C11orf65: variants seen among roughly 807,000 people sequenced by gnomAD.
C11orf65 encodes chromosome 11 open reading frame 65.
In C11orf65, 38 loss-of-function variants were observed where a neutral mutation model predicts 35.3. That is an observed-to-expected ratio of 1.08 (90% CI 0.83 to 1.41). The LOEUF (loss-of-function observed/expected upper bound fraction) is 1.41. C11orf65 is among the 40% of genes most tolerant of loss of function. The probability of loss-of-function intolerance (pLI) is 0.00; values close to 1 mark genes in which losing one functional copy is unlikely to be tolerated. For synonymous variants in C11orf65, 105 were observed against 114.4 expected (o/e 0.92, Z 0.53); for missense variants, 370 against 367.1 (o/e 1.01, Z -0.06).
chr11:108,338,060 G>C (rs751228342), intron 2 of C11orf65, among the ~76,000 whole-genome samples: 5 of 152,342 alleles, frequency 3.3e-5, no homozygotes, highest in Admixed American at 1.3e-4. Context: ...ATTCCATTAA[G>C]ATTTCTAGCC....
chr11:108,465,649 T>G (rs2093525857), intron 1 of C11orf65, among the ~76,000 whole-genome samples: 1 of 150,606 alleles, frequency 6.6e-6, no homozygotes, highest in African/African-American at 2.4e-5. Flanking sequence ...AGCAGAAAAA[T>G]GGGGTGTAGC....
chr11:108,468,392 T>C (rs2093559808), upstream of C11orf65, among the ~76,000 whole-genome samples: 1 of 152,262 alleles, frequency 6.6e-6, no homozygotes, highest in African/African-American at 2.4e-5. Context: ...GCTTGAATTC[T>C]GAGTCTGACA....
At chr11:108,429,549 C>A (rs554789220) in intron 3 of C11orf65, among the ~76,000 whole-genome samples, 16 of 152,176 alleles carry the variant, frequency 1.1e-4, no homozygotes, top group Admixed American at 1.0e-3. Context: ...GGTGAGAGTA[C>A]AAAATGGTAC....
At chr11:108,326,782 T>G (rs183304352), downstream of C11orf65, among the ~76,000 whole-genome samples, 1 of 152,196 alleles carries the variant, frequency 6.6e-6, no homozygotes, top group Non-Finnish European at 1.5e-5. Context: ...CCCACAGACA[T>G]GTACCTGCTT....
At chr11:108,417,496 T>C (rs2092752791) in intron 3 of C11orf65, among the ~76,000 whole-genome samples, 1 of 151,282 alleles carries the variant, frequency 6.6e-6, no homozygotes, top group South Asian at 2.1e-4. Context: ...TGAGCTGAGA[T>C]AGATAGTGCC....
intron 3 of C11orf65, among the ~76,000 whole-genome samples, chr11:108,427,869 T>TG (rs1226495826): frequency 8.9e-6 from 1 of 112,786 alleles, no homozygotes; most frequent in East Asian, 2.5e-4. Context: ...CTCGCTCTGT[T>TG]GCCCAGGCTG....
At chr11:108,330,071 T>A (rs933562283), downstream of C11orf65, 291 of 826,882 alleles carry the variant, frequency 3.5e-4, 2 homozygotes, top group Middle Eastern at 6.8e-4. Context: ...GTAAGTTTAT[T>A]CCCTTTATAA....
intron 2 of C11orf65, among the ~76,000 whole-genome samples, chr11:108,337,254 C>T (rs974738573): frequency 6.6e-6 from 1 of 152,092 alleles, no homozygotes; most frequent in Non-Finnish European, 1.5e-5. Flanking sequence ...CAATTTTTTC[C>T]GTAGCCTTCA....
intron 2 of C11orf65, chr11:108,354,931 C>A: frequency 6.9e-7 from 1 of 1,439,386 alleles, no homozygotes; most frequent in Non-Finnish European, 9.8e-7. Flanking sequence ...GACTGTGTAT[C>A]TCATCAGGAA....
chr11:108,457,178 AC>A (rs1351779085), intron 2 of C11orf65, among the ~76,000 whole-genome samples: 1 of 152,174 alleles, frequency 6.6e-6, no homozygotes, highest in Non-Finnish European at 1.5e-5. Flanking sequence ...TTAAAAAAAA[AC>A]ATGATGATAC....
intron 6 of C11orf65, among the ~76,000 whole-genome samples, chr11:108,315,596 T>A (rs1045166864): frequency 2.0e-5 from 3 of 152,148 alleles, no homozygotes; most frequent in Admixed American, 6.5e-5. Flanking sequence ...AAGTTTTCAA[T>A]ATATTTATTG....
rs864622148 is a variant in C11orf65 at position 108,310,284 on chromosome 11, G to C, written c.641-1213C>G. On this transcript the variant is annotated intron_variant, in intron 6 of 6. Coordinates refer to the C11orf65 transcript ENST00000525729. ...TTTACTCTATGCAGAAATCTATGCA[G>C]ATAAGAAAAGTATGGATGATCAAGA... 1 of 1,613,458 alleles carries C rather than the reference G, an allele frequency of 6.2e-7. No individual in the cohort carries two copies. Among genetic ancestry groups the C allele is most frequent in the Non-Finnish European group, 8.5e-7 (1 of 1,179,676 alleles).
chr11:108,327,603 T>A, downstream of C11orf65: 3 of 1,476,774 alleles, frequency 2.0e-6, no homozygotes, highest in Non-Finnish European at 2.8e-6. Context: ...GGTACAGTCA[T>A]GGTAATGCAT....
chr11:108,455,240 A>G (rs2093398097), intron 2 of C11orf65, among the ~76,000 whole-genome samples: 1 of 152,216 alleles, frequency 6.6e-6, no homozygotes, highest in South Asian at 2.1e-4. Context: ...TGGAAGTCTC[A>G]GCCAGAGAAA....
chr11:108,316,196 C>T, intron 6 of C11orf65: 1 of 1,235,954 alleles, frequency 8.1e-7, no homozygotes, highest in Non-Finnish European at 1.2e-6. Context: ...ATTTACACAG[C>T]CAGATAAACT....
chr11:108,348,592 A>G (rs1208955454), intron 2 of C11orf65, among the ~76,000 whole-genome samples: 2 of 151,992 alleles, frequency 1.3e-5, no homozygotes, highest in Non-Finnish European at 2.9e-5. Flanking sequence ...AATGTAAAGA[A>G]GTGTGAATGT....
intron 3 of C11orf65, among the ~76,000 whole-genome samples, chr11:108,422,346 TA>T (rs1293554911): frequency 6.6e-6 from 1 of 152,224 alleles, no homozygotes; most frequent in African/African-American, 2.4e-5. Context: ...CATTCAAGAA[TA>T]GCCTGGAGTG....
chr11:108,371,664 T>G (rs2091579906), intron 2 of C11orf65, among the ~76,000 whole-genome samples: 1 of 152,236 alleles, frequency 6.6e-6, no homozygotes, highest in Non-Finnish European at 1.5e-5. Flanking sequence ...TAGAGTTGTC[T>G]CTACCCTTTG....
intron 3 of C11orf65, among the ~76,000 whole-genome samples, chr11:108,418,712 A>G (rs1270440355): frequency 6.6e-6 from 1 of 152,084 alleles, no homozygotes; most frequent in Non-Finnish European, 1.5e-5. Flanking sequence ...AAAGCTAAAA[A>G]TTGTTTTTGG....
Sources: gnomAD v4.1 joint callset for allele counts (sites outside exome capture counted in the v4.1 genomes callset) on GRCh38, gnomAD v4.1.1 for gene constraint, MANE v1.5 for transcripts, NCBI Gene and HGNC (gene_info 2026-07-23, HGNC 2026-07-21) for gene names.